SUGCT: variants seen among roughly 807,000 people sequenced by gnomAD.
SUGCT encodes succinyl-CoA:glutarate-CoA transferase.
A neutral mutation model predicts 55.0 loss-of-function variants in SUGCT; 41 were observed. The observed-to-expected ratio is 0.74, with a 90% CI of 0.58 to 0.97. The LOEUF (loss-of-function observed/expected upper bound fraction) is 0.97, where lower values mean the gene tolerates loss of function less well. Among genes scored for constraint, SUGCT ranks in the 50% least tolerant of loss-of-function variants. The pLI is 0.00. For missense variants in SUGCT, 568 were observed against 547.8 expected (o/e 1.04, Z -0.37); for synonymous variants, 187 against 200.4 (o/e 0.93, Z 0.56).
chr7:40,977,163 G>C, the SUGCT span, among the ~76,000 whole-genome samples: 1 of 152,210 alleles, frequency 6.6e-6, no homozygotes, highest in African/African-American at 2.4e-5. Flanking sequence ...ACAAATGGCC[G>C]TGAATGGGTT....
At chr7:40,579,137 T>A (rs949569027) in intron 12 of SUGCT, among the ~76,000 whole-genome samples, 3 of 152,006 alleles carry the variant, frequency 2.0e-5, no homozygotes, top group Non-Finnish European at 2.9e-5. Flanking sequence ...TTTTTTTTTT[T>A]AAATAACTTT....
intron 13 of SUGCT, among the ~76,000 whole-genome samples, chr7:40,850,326 A>G (rs1216105854): frequency 2.0e-5 from 3 of 152,098 alleles, no homozygotes; most frequent in Non-Finnish European, 2.9e-5. Context: ...AGTCTCCCCC[A>G]TTTGTAAAGT....
the SUGCT span, among the ~76,000 whole-genome samples, chr7:40,961,889 C>A: frequency 6.6e-6 from 1 of 152,180 alleles, no homozygotes; most frequent in South Asian, 2.1e-4. Flanking sequence ...AGCTGCAGAA[C>A]TTCACAGTGA....
intron 9 of SUGCT, among the ~76,000 whole-genome samples, chr7:40,394,053 G>A (rs1469912445): frequency 6.6e-6 from 1 of 152,188 alleles, no homozygotes; most frequent in African/African-American, 2.4e-5. Flanking sequence ...TCGAAGACCT[G>A]AACTTTATTC....
intron 10 of SUGCT, among the ~76,000 whole-genome samples, chr7:40,457,253 A>G (rs1443566892): frequency 6.6e-6 from 1 of 152,072 alleles, no homozygotes; most frequent in Non-Finnish European, 1.5e-5. Flanking sequence ...AAGCCTGACC[A>G]ACATGGTAAA....
At chr7:40,528,143 T>A (rs2151588956) in intron 12 of SUGCT, among the ~76,000 whole-genome samples, 1 of 152,300 alleles carries the variant, frequency 6.6e-6, no homozygotes, top group Non-Finnish European at 1.5e-5. Flanking sequence ...CTTGAAAGAC[T>A]ACAGTGAAGA....
At chr7:41,025,039 A>G in the SUGCT span, among the ~76,000 whole-genome samples, 1 of 152,236 alleles carries the variant, frequency 6.6e-6, no homozygotes, top group Non-Finnish European at 1.5e-5. Context: ...TGAAGGGATA[A>G]AGAGCAAGTT....
intron 12 of SUGCT, among the ~76,000 whole-genome samples, chr7:40,747,784 GT>G (rs200244015): frequency 4.0e-5 from 6 of 151,114 alleles, no homozygotes; most frequent in Non-Finnish European, 7.4e-5. Flanking sequence ...GCCTCCAATT[GT>G]TTTTTTTTAA....
intron 9 of SUGCT, among the ~76,000 whole-genome samples, chr7:40,389,066 GTATT>G (rs893664206): frequency 1.1e-4 from 17 of 152,162 alleles, no homozygotes; most frequent in Non-Finnish European, 2.1e-4. Context: ...GTAAGAAAGA[GTATT>G]TGTTTGTAAG....
intron 12 of SUGCT, among the ~76,000 whole-genome samples, chr7:40,541,089 G>A (rs536653811): frequency 9.9e-4 from 150 of 152,250 alleles, no homozygotes; most frequent in African/African-American, 3.4e-3. Context: ...TGGGTGAAGA[G>A]GAAAGATAAG....
intron 12 of SUGCT, among the ~76,000 whole-genome samples, chr7:40,522,775 A>T (rs2151578062): frequency 6.6e-6 from 1 of 152,214 alleles, no homozygotes; most frequent in Middle Eastern, 3.4e-3. Flanking sequence ...CAAATTGCAG[A>T]TATAATACAA....
chr7:40,620,863 C>A (rs1338106186), intron 12 of SUGCT, among the ~76,000 whole-genome samples: 3 of 152,084 alleles, frequency 2.0e-5, no homozygotes, highest in Non-Finnish European at 2.9e-5. Context: ...AACAAGTTTG[C>A]AAAACAGTAG....
the SUGCT span, among the ~76,000 whole-genome samples, chr7:40,927,406 A>G: frequency 2.6e-5 from 4 of 152,316 alleles, no homozygotes; most frequent in East Asian, 5.8e-4. Flanking sequence ...ACTATACAAT[A>G]TCCTCTGCAT....
intron 8 of SUGCT, among the ~76,000 whole-genome samples, chr7:40,313,365 C>T (rs972425006): frequency 6.6e-6 from 1 of 152,082 alleles, no homozygotes; most frequent in South Asian, 2.1e-4. Flanking sequence ...TTAATTTGTG[C>T]AAAATTTGTC....
the SUGCT span, among the ~76,000 whole-genome samples, chr7:40,936,815 C>T: frequency 2.6e-5 from 4 of 151,906 alleles, no homozygotes; most frequent in African/African-American, 7.2e-5. Flanking sequence ...TCATTCATCT[C>T]AAGCTGTTTT....
chr7:40,296,645 G>A (rs1363064503), intron 8 of SUGCT, among the ~76,000 whole-genome samples: 1 of 79,122 alleles, frequency 1.3e-5, no homozygotes, highest in Non-Finnish European at 3.1e-5. Context: ...GTGTGTGTGT[G>A]TGTGTGTGTA....
At chr7:40,820,609 T>G (rs1293626672) in intron 13 of SUGCT, among the ~76,000 whole-genome samples, 1 of 152,230 alleles carries the variant, frequency 6.6e-6, no homozygotes, top group Admixed American at 6.5e-5. Flanking sequence ...TTTTGCAGAT[T>G]GATTTTGTAT....
At chr7:40,308,005 T>C (rs1042945788) in intron 8 of SUGCT, among the ~76,000 whole-genome samples, 1 of 152,210 alleles carries the variant, frequency 6.6e-6, no homozygotes, top group Non-Finnish European at 1.5e-5. Flanking sequence ...ATTTCTCTTT[T>C]AGCATTTTGT....
intron 11 of SUGCT, among the ~76,000 whole-genome samples, chr7:40,493,149 C>T (rs1293661059): frequency 1.3e-5 from 2 of 152,122 alleles, no homozygotes; most frequent in African/African-American, 4.8e-5. Context: ...TGTGTTAGAA[C>T]GTGGTTTTGG....
Sources: allele counts gnomAD v4.1 joint callset (sites outside exome capture counted in the v4.1 genomes callset), GRCh38; gene constraint gnomAD v4.1.1; transcripts MANE v1.5; gene names NCBI Gene and HGNC (gene_info 2026-07-23, HGNC 2026-07-21).